The following AP2B1 variants were observed in gnomAD, a reference collection of about 807,000 sequenced individuals.
The protein encoded by AP2B1 is adaptor related protein complex 2 subunit beta 1.
AP2B1 carries 23 observed loss-of-function variants against 102.0 expected under a neutral mutation model. The observed-to-expected ratio is 0.23, with a 90% CI of 0.16 to 0.32. AP2B1 has a LOEUF of 0.32. AP2B1 is among the 10% of genes least tolerant of loss of function. The pLI is 1.00. For synonymous variants in AP2B1, 381 were observed against 421.2 expected, an observed-to-expected ratio of 0.90 and a Z score of 1.17; for missense variants, 541 against 1,157.4, an observed-to-expected ratio of 0.47 and a Z score of 7.73.
At chr17:35,687,531 C>T (rs1050437352) in intron 18 of AP2B1, among the ~76,000 whole-genome samples, 1 of 151,798 alleles carries the variant, frequency 6.6e-6, no homozygotes, top group East Asian at 1.9e-4. Context: ...TTACTTAAAT[C>T]AGTGTTCAAT....
intron 7 of AP2B1, 106 bp from the exon 8 acceptor site, chr17:35,627,279 G>T: frequency 1.9e-6 from 1 of 517,260 alleles, no homozygotes; most frequent in Non-Finnish European, 2.9e-6. Context: ...TGCCTGAGTG[G>T]AGCGAGAGGA....
chr17:35,589,105 T>C (rs539741771), intron 1 of AP2B1, among the ~76,000 whole-genome samples: 3 of 152,338 alleles, frequency 2.0e-5, no homozygotes, highest in Non-Finnish European at 4.4e-5. Context: ...GTTATAATAT[T>C]AAGAAGCTAC....
intron 1 of AP2B1, among the ~76,000 whole-genome samples, chr17:35,592,418 T>C (rs1230873721): frequency 6.6e-6 from 1 of 152,058 alleles, no homozygotes; most frequent in Non-Finnish European, 1.5e-5. Context: ...AGTGGTGAGA[T>C]CATAGCTCCC....
intron 14 of AP2B1, among the ~76,000 whole-genome samples, chr17:35,662,307 T>C (rs1431573863): frequency 1.4e-5 from 2 of 142,438 alleles, no homozygotes; most frequent in Non-Finnish European, 3.1e-5. Flanking sequence ...GCATATTCTC[T>C]TTTGCTTGTA....
chr17:35,682,334 C>CT (rs587645888), intron 17 of AP2B1, among the ~76,000 whole-genome samples: 2,092 of 71,966 alleles, frequency 0.029, 6 homozygotes, highest in Non-Finnish European at 0.035. Flanking sequence ...AATCCTGCCT[C>CT]TTTTTTTTTT....
At chr17:35,601,103 C>A in intron 3 of AP2B1, 1 of 683,228 alleles carries the variant, frequency 1.5e-6, no homozygotes, top group Non-Finnish European at 1.8e-6. Context: ...AGTAAGTACT[C>A]TTTGCTTAGC....
chr17:35,709,378 C>T (rs2076404127), intron 19 of AP2B1, 70 bp downstream of exon 19: 1 of 1,339,068 alleles, frequency 7.5e-7, no homozygotes, highest in Admixed American at 1.7e-5. Flanking sequence ...CAGAGCATAG[C>T]CCCAGAAGTT....
chr17:35,689,056 A>G (rs754045207), intron 18 of AP2B1, among the ~76,000 whole-genome samples: 9 of 152,234 alleles, frequency 5.9e-5, no homozygotes, highest in African/African-American at 1.7e-4. Context: ...CTGTGTACCC[A>G]TCATCCAGCT....
intron 17 of AP2B1, among the ~76,000 whole-genome samples, chr17:35,682,274 A>G (rs1251801689): frequency 7.0e-6 from 1 of 143,600 alleles, no homozygotes; most frequent in Non-Finnish European, 1.5e-5. Flanking sequence ...AAAAAAAAAA[A>G]GTTTCCTTTA....
At chr17:35,667,414 G>T (rs1052297330) in intron 14 of AP2B1, among the ~76,000 whole-genome samples, 2 of 152,054 alleles carry the variant, frequency 1.3e-5, no homozygotes, top group Non-Finnish European at 2.9e-5. Flanking sequence ...CCCTGTCTTT[G>T]TGTCAGATCA....
In AP2B1 at chr17:35,602,490, C is replaced by A. The variant is rs116766534; in HGVS notation, c.144-3215C>A. Reference sequence around the variant, plus strand: ...CTGGCCAGTGGAAATACAGTGTGAACCACATATGTAATTTTAAATTTTCTA... The same window carrying A: ...CTGGCCAGTGGAAATACAGTGTGAAACACATATGTAATTTTAAATTTTCTA... On this transcript the variant is annotated intron_variant, in intron 3 of 21. Coordinates refer to ENST00000610402, the MANE Select transcript of AP2B1 (RefSeq NM_001030006.2). Among the ~76,000 whole-genome samples the A allele has an allele frequency of 6.4e-3, 977 of 152,178 alleles. 9 individuals carry two copies. Among genetic ancestry groups the A allele is most frequent in the African/African-American group, 0.022 (930 of 41,498 alleles).
chr17:35,712,094 ATAAT>A (rs587728736), intron 20 of AP2B1, among the ~76,000 whole-genome samples: 210 of 152,298 alleles, frequency 1.4e-3, no homozygotes, highest in African/African-American at 4.9e-3. Context: ...TTCCATCATA[ATAAT>A]TAATTGTTTC....
At chr17:35,713,135 T>A (rs2076485045) in intron 20 of AP2B1, among the ~76,000 whole-genome samples, 1 of 152,226 alleles carries the variant, frequency 6.6e-6, no homozygotes, top group Non-Finnish European at 1.5e-5. Context: ...GTGTCTGGCA[T>A]TTCTCCTAGT....
rs2074627957 is a variant in AP2B1, at chr17:35,637,072, G to C, written c.1271+616G>C. Among the ~76,000 whole-genome samples, 3 of 152,172 alleles carry C rather than the reference G, an allele frequency of 2.0e-5. 1 individual carries two copies. Among genetic ancestry groups the C allele is most frequent in the African/African-American group, 7.2e-5 (3 of 41,524 alleles). ...GATTGAGGGCCTCTTAGTATATGAA[G>C]CAAAAATACTTTTTAGATTTGATTT... On this transcript the variant is annotated intron_variant, in intron 10 of 21. Coordinates refer to ENST00000610402, the MANE Select transcript of AP2B1 (RefSeq NM_001030006.2).
intron 18 of AP2B1, among the ~76,000 whole-genome samples, chr17:35,703,214 G>A (rs1162302502): frequency 1.4e-5 from 2 of 138,842 alleles, no homozygotes; most frequent in Non-Finnish European, 3.0e-5. Flanking sequence ...GCAGTGAGCC[G>A]AGATTGCGCC....
chr17:35,668,883 A>G (rs941306649), intron 14 of AP2B1, among the ~76,000 whole-genome samples: 31 of 151,964 alleles, frequency 2.0e-4, no homozygotes, highest in African/African-American at 5.8e-4. Flanking sequence ...ATGGTTTTGC[A>G]TTTGTGTTTT....
rs1476443229 is a variant in AP2B1 at position 35,639,888 on chromosome 17, A to G, written c.1437+128A>G. 6.3e-6 allele frequency: 5 copies of G among 790,020 alleles called. No individual in the cohort carries two copies. The East Asian group carries it at 1.1e-4, about 18-fold the overall frequency. The allele number at this position is 790,020 out of a possible 1,614,324, so 48.9% of individuals were successfully genotyped here. On this transcript the variant is annotated intron_variant, in intron 11 of 21. Transcript: ENST00000610402. ...ATATAGTATGTTCATTTTTCTCCCA[A>G]CAGGGATGTCTCTTCTCAGTTTTAC...
At chr17:35,645,593 T>A (rs1364749171) in intron 12 of AP2B1, among the ~76,000 whole-genome samples, 1 of 152,192 alleles carries the variant, frequency 6.6e-6, no homozygotes, top group Non-Finnish European at 1.5e-5. Flanking sequence ...CTTATGCCTG[T>A]AATCCCAGCA....
chr17:35,599,097 A>G (rs934084101), intron 3 of AP2B1, among the ~76,000 whole-genome samples: 1 of 152,266 alleles, frequency 6.6e-6, no homozygotes, highest in Non-Finnish European at 1.5e-5. Flanking sequence ...CATGAGCAGT[A>G]AAAATTTGTT....
Sources: gnomAD v4.1 joint callset for allele counts (sites outside exome capture counted in the v4.1 genomes callset) on GRCh38, gnomAD v4.1.1 for gene constraint, MANE v1.5 for transcripts, NCBI Gene and HGNC (gene_info 2026-07-23, HGNC 2026-07-21) for gene names.